The following KDM1A variants were observed in gnomAD, a reference collection of about 807,000 sequenced individuals.
KDM1A encodes lysine demethylase 1A, also known as lysine-specific histone demethylase 1A.
KDM1A carries 49 observed loss-of-function variants against 109.4 expected under a neutral mutation model. The ratio of observed to expected loss-of-function variants is 0.45; its 90% CI spans 0.36 to 0.57. The LOEUF (loss-of-function observed/expected upper bound fraction) is 0.57, where lower values mean the gene tolerates loss of function less well. KDM1A is among the 20% of genes least tolerant of loss of function. The probability of loss-of-function intolerance (pLI) is 0.00; values close to 1 mark genes in which losing one functional copy is unlikely to be tolerated. For synonymous variants in KDM1A, 380 were observed against 415.4 expected, an observed-to-expected ratio of 0.91 and a Z score of 1.04; for missense variants, 668 against 1,116.6, an observed-to-expected ratio of 0.60 and a Z score of 5.73.
intron 3 of KDM1A, among the ~76,000 whole-genome samples, chr1:23,046,929 C>G (rs1396574817): frequency 2.6e-5 from 4 of 152,128 alleles, no homozygotes; most frequent in African/African-American, 9.7e-5. Flanking sequence ...TTCAGAATAC[C>G]AGATTCCATT....
chr1:23,057,471 AT>A lies in KDM1A; in HGVS notation c.991-10del. ...CAGAATTGATGATTTTGGCTACTTAATTTCTGAAACAGGATCGTGTGGGTGG... is the reference window on the plus strand; with the variant it reads ...CAGAATTGATGATTTTGGCTACTTAATTCTGAAACAGGATCGTGTGGGTGG... On this transcript the variant is annotated splice_polypyrimidine_tract_variant and intron_variant, in intron 7 of 20. Transcript: ENST00000400181. 1.9e-6 allele frequency: 3 copies of A among 1,612,196 alleles called. No homozygotes were observed. The highest frequency in any genetic ancestry group is 1.7e-6 in the Non-Finnish European group (2 of 1,178,422).
chr1:23,050,364 A>ATGTC (rs1557544262), intron 3 of KDM1A, 23 bp from the exon 4 acceptor site: 3 of 1,589,144 alleles, frequency 1.9e-6, no homozygotes, highest in Non-Finnish European at 2.6e-6. Context: ...CTTTTCCTAG[A>ATGTC]TGTCCTTTGC....
rs1641537219 is a variant in KDM1A at position 23,019,520 on chromosome 1, G to A, written c.-77G>A. Reference sequence around the variant, plus strand: ...CGGCGCGCGGGCAGCGTGAAGCGAGGCGAGGCAAGGCTTTTCGGACCCACG... The same window carrying A: ...CGGCGCGCGGGCAGCGTGAAGCGAGACGAGGCAAGGCTTTTCGGACCCACG... On this transcript the variant is annotated 5_prime_UTR_variant, in exon 1 of 21. Coordinates refer to ENST00000400181, the MANE Select transcript of KDM1A (RefSeq NM_001009999.3). The A allele has an allele frequency of 7.6e-7, 1 of 1,314,828 alleles. No homozygotes were observed. The highest frequency in any genetic ancestry group is 9.7e-7 in the Non-Finnish European group (1 of 1,032,412). The allele number at this position is 1,314,828 out of a possible 1,614,324, so 81.4% of individuals were successfully genotyped here.
At position 23,019,514 on chromosome 1, in the gene KDM1A, A is replaced by AGCGAG. The variant is rs1462542041; in HGVS notation, c.-75_-71dup. On this transcript the variant is annotated 5_prime_UTR_variant, in exon 1 of 21. Coordinates refer to ENST00000400181, the MANE Select transcript of KDM1A (RefSeq NM_001009999.3). ...GGTTGGCGGCGCGCGGGCAGCGTGA[A>AGCGAG]GCGAGGCGAGGCAAGGCTTTTCGGA... The AGCGAG allele has an allele frequency of 1.2e-5, 16 of 1,310,920 alleles. No homozygotes were observed. The highest frequency in any genetic ancestry group is 1.1e-4 in the East Asian group (4 of 34,878). 81.2% of individuals were successfully genotyped at this position (1,310,920 alleles called of 1,614,324 possible).
chr1:23,026,678 C>T (rs943279030), intron 1 of KDM1A, among the ~76,000 whole-genome samples: 21 of 152,130 alleles, frequency 1.4e-4, no homozygotes, highest in South Asian at 8.3e-4. Flanking sequence ...CACCATGCCC[C>T]GCCCAAGAAA....
intron 1 of KDM1A, among the ~76,000 whole-genome samples, chr1:23,029,841 T>C (rs934049792): frequency 1.3e-5 from 2 of 152,178 alleles, no homozygotes; most frequent in African/African-American, 2.4e-5. Context: ...GTTTTCACCA[T>C]GTTAGCTAGG....
intron 7 of KDM1A, among the ~76,000 whole-genome samples, chr1:23,056,919 G>A (rs1238242918): frequency 6.6e-6 from 1 of 151,716 alleles, no homozygotes; most frequent in Admixed American, 6.6e-5. Flanking sequence ...TGATAAACCT[G>A]GGCCTATTTA....
At chr1:23,022,084 G>A (rs1003310213) in intron 1 of KDM1A, among the ~76,000 whole-genome samples, 1 of 152,178 alleles carries the variant, frequency 6.6e-6, no homozygotes, top group Non-Finnish European at 1.5e-5. Context: ...GACGCACATT[G>A]GGGTTTGTTT....
At chr1:23,051,121 T>A (rs1205918985) in intron 4 of KDM1A, among the ~76,000 whole-genome samples, 4 of 151,990 alleles carry the variant, frequency 2.6e-5, no homozygotes, top group African/African-American at 7.2e-5. Flanking sequence ...CATTAAAAAA[T>A]AATAATAATA....
intron 2 of KDM1A, among the ~76,000 whole-genome samples, chr1:23,039,033 T>C (rs1333630353): frequency 6.6e-6 from 1 of 152,248 alleles, no homozygotes; most frequent in African/African-American, 2.4e-5. Flanking sequence ...ACTTTCCTTA[T>C]GTTCATGAGA....
intron 9 of KDM1A, among the ~76,000 whole-genome samples, chr1:23,064,550 T>A (rs1643107919): frequency 6.6e-6 from 1 of 152,222 alleles, no homozygotes; most frequent in South Asian, 2.1e-4. Flanking sequence ...GCTGTAGAGT[T>A]TGTGAAGACT....
chr1:23,083,170 C>T lies in KDM1A; in HGVS notation c.2446-9C>T. 1 of 1,602,650 alleles carries T rather than the reference C, an allele frequency of 6.2e-7. No individual in the cohort carries two copies. Among genetic ancestry groups the T allele is most frequent in the Non-Finnish European group, 8.5e-7 (1 of 1,171,340 alleles). ...AGCCTGCCAATTTTCTCTTTTTCCC[C>T]TAAAATAGCCGATTCCACGACTCTT... On this transcript the variant is annotated splice_polypyrimidine_tract_variant and intron_variant, in intron 20 of 20. Transcript: ENST00000400181.
intron 1 of KDM1A, among the ~76,000 whole-genome samples, chr1:23,029,742 C>G (rs531013513): frequency 1.3e-5 from 2 of 152,252 alleles, no homozygotes; most frequent in South Asian, 4.2e-4. Flanking sequence ...CAGGTTCAAG[C>G]GATTCTCCTG....
At position 23,019,923 on chromosome 1, in the gene KDM1A, G is replaced by A; in HGVS notation, c.327G>A (p.Arg109=). 6.4e-7 allele frequency: 1 copy of A among 1,570,954 alleles called. No individual in the cohort carries two copies. Among genetic ancestry groups the A allele is most frequent in the Non-Finnish European group, 8.6e-7 (1 of 1,161,172 alleles). ...TAGCAGAGACTCCGGAGGGGCGTCG[G>A]ACCAGCCGGCGCAAGCGGGCGAAGG... ...TGIAETPEGR[R]TSRRKRAKVE... is the part of the protein sequence containing the mutation. Residue 109 remains arginine, a synonymous_variant, in exon 1 of 21, where the codon CGG becomes CGA. Coordinates refer to ENST00000400181, the MANE Select transcript of KDM1A (RefSeq NM_001009999.3).
At position 23,079,745 on chromosome 1, in the gene KDM1A, A is replaced by G. The variant is rs563149952; in HGVS notation, c.2170+78A>G. 1.4e-4 allele frequency: 110 copies of G among 803,246 alleles called. 1 individual carries two copies. In the South Asian group the frequency reaches 2.1e-3, roughly 15 times the overall value. 49.8% of individuals were successfully genotyped at this position (803,246 alleles called of 1,614,324 possible). Reference sequence around the variant, plus strand: ...TTGAAATATTTTGGGTTTTCTCAATATATATGCCTTAATTTCTCTCTTTAT... The same window carrying G: ...TTGAAATATTTTGGGTTTTCTCAATGTATATGCCTTAATTTCTCTCTTTAT... On this transcript the variant is annotated intron_variant, in intron 18 of 20. Coordinates refer to ENST00000400181, the MANE Select transcript of KDM1A (RefSeq NM_001009999.3). This position sits in a 1 kb window ranked among gnomAD's most constrained non-coding sequence, Gnocchi z 5.6.
At position 23,019,935 on chromosome 1, in the gene KDM1A, C is replaced by A. The variant is rs755072993; in HGVS notation, c.339C>A (p.Arg113=). The part of the protein sequence containing the change: ...ETPEGRRTSR[R]KRAKVEYREM... Reference sequence around the variant, plus strand: ...CGGAGGGGCGTCGGACCAGCCGGCGCAAGCGGGCGAAGGTAAGGCTCGACC... The same window carrying A: ...CGGAGGGGCGTCGGACCAGCCGGCGAAAGCGGGCGAAGGTAAGGCTCGACC... Residue 113 remains arginine, a synonymous_variant, in exon 1 of 21, where the codon CGC becomes CGA. Coordinates refer to ENST00000400181, the MANE Select transcript of KDM1A (RefSeq NM_001009999.3). 1 of 1,567,294 alleles carries A rather than the reference C, an allele frequency of 6.4e-7. No homozygotes were observed. The highest frequency in any genetic ancestry group is 8.6e-7 in the Non-Finnish European group (1 of 1,159,556).
chr1:23,075,138 T>G (rs957873737), intron 15 of KDM1A, among the ~76,000 whole-genome samples: 1 of 152,228 alleles, frequency 6.6e-6, no homozygotes, highest in Admixed American at 6.5e-5. Context: ...TCTCCAAAAA[T>G]AGTTTTCTTT....
chr1:23,045,986 C>G (rs549640185), intron 3 of KDM1A, among the ~76,000 whole-genome samples: 98 of 152,294 alleles, frequency 6.4e-4, no homozygotes, highest in African/African-American at 2.2e-3. Flanking sequence ...AGGATCATAT[C>G]TTGACTTCTT....
intron 2 of KDM1A, among the ~76,000 whole-genome samples, chr1:23,037,422 A>AT (rs752244697): frequency 6.6e-6 from 1 of 151,954 alleles, no homozygotes; most frequent in Non-Finnish European, 1.5e-5. Flanking sequence ...AGAAGTTTTT[A>AT]TTTTTTTAAT....
Sources: gnomAD v4.1 joint callset for allele counts (sites outside exome capture counted in the v4.1 genomes callset) on GRCh38, gnomAD v4.1.1 for gene constraint, Gnocchi (gnomAD v3.1) non-coding constraint, MANE v1.5 for transcripts, NCBI Gene and HGNC (gene_info 2026-07-23, HGNC 2026-07-21) for gene names.